Variants in RBFOX1 observed in about 807,000 individuals in gnomAD.
RBFOX1 encodes RNA binding fox-1 homolog 1.
A neutral mutation model predicts 57.7 loss-of-function variants in RBFOX1; 8 were observed. The observed-to-expected ratio is 0.14, with a 90% CI of 0.08 to 0.25. The LOEUF is 0.25. Ranked by LOEUF, RBFOX1 falls within the 10% of genes least tolerant of loss-of-function variation. The pLI, the probability that RBFOX1 is intolerant of heterozygous loss-of-function variation, is 1.00. For synonymous variants in RBFOX1, 326 were observed against 222.4 expected, an observed-to-expected ratio of 1.47 and a Z score of -4.15; for missense variants, 611 against 548.5, an observed-to-expected ratio of 1.11 and a Z score of -1.14.
At chr16:5,302,166 T>A (rs1278073511) in intron 1 of RBFOX1, among the ~76,000 whole-genome samples, 2 of 152,220 alleles carry the variant, frequency 1.3e-5, no homozygotes, top group African/African-American at 4.8e-5. Context: ...TTCAAAGTAT[T>A]TTCTAATTTC....
intron 4 of RBFOX1, among the ~76,000 whole-genome samples, chr16:7,106,090 T>A (rs1359940435): frequency 6.6e-6 from 1 of 152,200 alleles, no homozygotes; most frequent in Non-Finnish European, 1.5e-5. Flanking sequence ...CCTCCTGTCT[T>A]GAATTCCTCC....
chr16:6,905,609 G>C (rs141242281), intron 3 of RBFOX1, among the ~76,000 whole-genome samples: 1 of 151,730 alleles, frequency 6.6e-6, no homozygotes, highest in African/African-American at 2.4e-5. Flanking sequence ...TAGCTAGTAG[G>C]TTGGACTTTG....
chr16:5,627,707 A>G (rs1198700286), intron 3 of RBFOX1, among the ~76,000 whole-genome samples: 1 of 152,208 alleles, frequency 6.6e-6, no homozygotes, highest in African/African-American at 2.4e-5. Flanking sequence ...AAGAAACAGT[A>G]AAAATAATAC....
intron 1 of RBFOX1, among the ~76,000 whole-genome samples, chr16:6,276,798 G>T (rs1412014577): frequency 7.2e-6 from 1 of 138,338 alleles, no homozygotes; most frequent in Non-Finnish European, 1.5e-5. Context: ...ATTACAGTCT[G>T]TAATTATTTC....
intron 4 of RBFOX1, among the ~76,000 whole-genome samples, chr16:7,229,611 A>G (rs1377816627): frequency 1.3e-4 from 14 of 107,480 alleles, no homozygotes; most frequent in Admixed American, 5.7e-4. Context: ...GGAAGGAAGG[A>G]GAAGAAAGAT....
At chr16:6,478,421 ATATATATATTTTTTTTTTTTTT>A (rs1340964894) in intron 2 of RBFOX1, among the ~76,000 whole-genome samples, 16 of 12,434 alleles carry the variant, frequency 1.3e-3, no homozygotes, top group African/African-American at 3.4e-3. Flanking sequence ...ATATATATAT[ATATATATATTTTTTTTTTTTTT>A]TTTTGTATTT....
intron 2 of RBFOX1, among the ~76,000 whole-genome samples, chr16:5,498,224 C>G (rs977382980): frequency 6.6e-6 from 1 of 152,174 alleles, no homozygotes; most frequent in African/African-American, 2.4e-5. Flanking sequence ...CCCACTGCAA[C>G]TTCTGCTTCC....
At chr16:5,981,189 G>A (rs2060165553) in intron 4 of RBFOX1, among the ~76,000 whole-genome samples, 1 of 152,190 alleles carries the variant, frequency 6.6e-6, no homozygotes, top group Non-Finnish European at 1.5e-5. Flanking sequence ...TTAAATAATA[G>A]TACAGGCTCT....
chr16:6,519,753 A>G (rs1157222478), intron 2 of RBFOX1, among the ~76,000 whole-genome samples: 3 of 152,054 alleles, frequency 2.0e-5, no homozygotes, highest in South Asian at 2.1e-4. Flanking sequence ...CCCACCACCT[A>G]TTGTATGCCC....
rs59873374 is a variant in RBFOX1 at position 5,544,951 on chromosome 16, C to CT, written c.259-53908dup. On this transcript the variant is annotated intron_variant, in intron 2 of 2. Coordinates refer to the RBFOX1 transcript ENST00000585867. The stretch of plus-strand genomic sequence containing the variant: ...GTATAGATGGCCTTACTATTACATT[C>CT]TTTTTTTTTTTTTTTTTTTTTTTTT... Among the ~76,000 whole-genome samples the CT allele has an allele frequency of 8.8e-4, 110 of 124,368 alleles. 4 individuals carry two copies. Among genetic ancestry groups the CT allele is most frequent in the Non-Finnish European group, 1.3e-3 (78 of 60,966 alleles). 81.6% of individuals were successfully genotyped at this position (124,368 alleles called of 152,430 possible).
At chr16:5,985,306 C>T (rs528881691) in intron 4 of RBFOX1, among the ~76,000 whole-genome samples, 1 of 143,086 alleles carries the variant, frequency 7.0e-6, no homozygotes. Flanking sequence ...CCATCATAAT[C>T]TTATGGGGCC....
At position 6,711,401 on chromosome 16, in the gene RBFOX1, T is replaced by G. The variant is rs140321377; in HGVS notation, c.-16+56751T>G. ...GTATCTTGTCCTATCTCTCCTGATATGGTTTGACTCTGTGTCCCCACTCAA... is the reference window on the plus strand; with the variant it reads ...GTATCTTGTCCTATCTCTCCTGATAGGGTTTGACTCTGTGTCCCCACTCAA... On this transcript the variant is annotated intron_variant, in intron 3 of 15. Coordinates refer to ENST00000550418, the MANE Select transcript of RBFOX1 (RefSeq NM_018723.4). Among the ~76,000 whole-genome samples the G allele has an allele frequency of 2.6e-5, 4 of 152,320 alleles. No individual in the cohort carries two copies. The East Asian group carries it at 7.7e-4, about 29-fold the overall frequency.
At chr16:5,637,337 A>C (rs892451644) in intron 3 of RBFOX1, among the ~76,000 whole-genome samples, 4 of 152,174 alleles carry the variant, frequency 2.6e-5, no homozygotes, top group African/African-American at 4.8e-5. Context: ...GTCATGTCTT[A>C]GTAGATAGGT....
chr16:6,257,746 A>G (rs1322096753), intron 1 of RBFOX1, among the ~76,000 whole-genome samples: 1 of 152,110 alleles, frequency 6.6e-6, no homozygotes, highest in Non-Finnish European at 1.5e-5. Context: ...CCTGAAAAGG[A>G]CATGATCATG....
At chr16:6,590,980 C>G (rs1301161799) in intron 2 of RBFOX1, among the ~76,000 whole-genome samples, 3 of 152,122 alleles carry the variant, frequency 2.0e-5, no homozygotes, top group African/African-American at 7.2e-5. Flanking sequence ...CTGGACTACA[C>G]TTTGGGAAGG....
intron 2 of RBFOX1, among the ~76,000 whole-genome samples, chr16:6,648,205 C>G (rs1374202596): frequency 1.3e-5 from 2 of 152,018 alleles, no homozygotes; most frequent in African/African-American, 4.8e-5. Context: ...ACCACCCCAC[C>G]TAGCTAATTT....
At chr16:6,866,744 G>C (rs193262097) in intron 3 of RBFOX1, among the ~76,000 whole-genome samples, 11 of 151,582 alleles carry the variant, frequency 7.3e-5, no homozygotes, top group African/African-American at 1.7e-4. Flanking sequence ...GGGTTTCACC[G>C]TGTTAGCCAG....
At chr16:7,291,037 A>G (rs1425240097) in intron 4 of RBFOX1, among the ~76,000 whole-genome samples, 1 of 152,228 alleles carries the variant, frequency 6.6e-6, no homozygotes, top group African/African-American at 2.4e-5. Context: ...TTGTACATTC[A>G]TATCATTAAA....
chr16:5,292,915 G>T (rs971528190), intron 1 of RBFOX1, among the ~76,000 whole-genome samples: 23 of 152,148 alleles, frequency 1.5e-4, no homozygotes, highest in African/African-American at 5.1e-4. Flanking sequence ...GAGCCACTGT[G>T]CCCAGCCTGG....
Sources: gnomAD v4.1 joint callset for allele counts (sites outside exome capture counted in the v4.1 genomes callset) on GRCh38, gnomAD v4.1.1 for gene constraint, MANE v1.5 for transcripts, NCBI Gene and HGNC (gene_info 2026-07-23, HGNC 2026-07-21) for gene names.